Variants in COL6A6 observed in about 807,000 individuals in gnomAD.
The protein encoded by COL6A6 is collagen alpha-6(VI) chain.
A neutral mutation model predicts 208.6 loss-of-function variants in COL6A6; 183 were observed. The ratio of observed to expected loss-of-function variants is 0.88; its 90% confidence interval spans 0.78 to 0.99. The LOEUF is 0.99. Among genes scored for constraint, COL6A6 ranks in the 50% least tolerant of loss-of-function variants. The pLI, the probability that COL6A6 is intolerant of heterozygous loss-of-function variation, is 0.00. For missense variants in COL6A6, 2,816 were observed against 2,815.2 expected (o/e 1.00, Z -0.01); for synonymous variants, 973 against 1,011.8 (o/e 0.96, Z 0.73).
chr3:130,518,828 A>T (rs538943630), intron 1 of COL6A6, among the ~76,000 whole-genome samples: 24 of 152,304 alleles, frequency 1.6e-4, no homozygotes, highest in African/African-American at 1.7e-4. Flanking sequence ...AGTGCAGAGG[A>T]GAGAAAAAGA....
intron 26 of COL6A6, among the ~76,000 whole-genome samples, chr3:130,631,168 A>G (rs2064999105): frequency 2.9e-5 from 1 of 35,078 alleles, no homozygotes; most frequent in Non-Finnish European, 4.0e-5. Flanking sequence ...TAATAAAGAA[A>G]AAAAGAGAGA....
chr3:130,619,247 C>T (rs1322324385), intron 23 of COL6A6, among the ~76,000 whole-genome samples: 1 of 152,042 alleles, frequency 6.6e-6, no homozygotes, highest in East Asian at 1.9e-4. Context: ...AAGCATGAGA[C>T]CCAACACAGC....
intron 1 of COL6A6, among the ~76,000 whole-genome samples, chr3:130,555,640 T>C (rs1577689809): frequency 6.6e-6 from 1 of 152,232 alleles, no homozygotes; most frequent in South Asian, 2.1e-4. Context: ...TAGGATGATA[T>C]GTATTCCAGA....
intron 25 of COL6A6, among the ~76,000 whole-genome samples, chr3:130,626,933 A>G (rs2064907234): frequency 6.6e-6 from 1 of 152,114 alleles, no homozygotes; most frequent in Non-Finnish European, 1.5e-5. Flanking sequence ...GGCATTTACT[A>G]GTTGTTTTTG....
rs547432923 is a variant in COL6A6 at position 130,517,671 on chromosome 3, A to G, written c.-32+274A>G. ...CACACTCTTGTCATTCTCTGCTCCC[A>G]TCTCCGCGTCTCCCACCGCGCACCA... On this transcript the variant is annotated intron_variant, in intron 1 of 36. Transcript: ENST00000358511. 5.1e-4 allele frequency among the ~76,000 whole-genome samples: 78 copies of G among 152,268 alleles called. 1 individual carries two copies. In the South Asian group the frequency reaches 0.016, roughly 31 times the overall value.
At chr3:130,602,211 T>C (rs772946743) in intron 20 of COL6A6, among the ~76,000 whole-genome samples, 10 of 152,130 alleles carry the variant, frequency 6.6e-5, no homozygotes, top group Admixed American at 6.5e-5. Context: ...TAAACATCAG[T>C]AGTAGAAGGA....
chr3:130,649,611 T>TATTC (rs1253173714), intron 33 of COL6A6, 49 bp downstream of exon 33: 20 of 1,488,394 alleles, frequency 1.3e-5, no homozygotes, highest in African/African-American at 2.8e-5. Flanking sequence ...ATCTTGCCTG[T>TATTC]ATTCAGAAGC....
chr3:130,611,297 T>C (rs1305527357), intron 23 of COL6A6, among the ~76,000 whole-genome samples: 2 of 152,242 alleles, frequency 1.3e-5, no homozygotes, highest in Non-Finnish European at 2.9e-5. Context: ...GTGCGGATTC[T>C]GAGTCAGCAG....
intron 1 of COL6A6, among the ~76,000 whole-genome samples, chr3:130,527,834 C>T (rs2061992295): frequency 6.7e-6 from 1 of 150,046 alleles, no homozygotes; most frequent in Non-Finnish European, 1.5e-5. Flanking sequence ...CCCCCATGGT[C>T]AGCATAGTAA....
At position 130,582,194 on chromosome 3, in the gene COL6A6, C is replaced by A. The variant is rs567406999; in HGVS notation, c.3970+126C>A. The stretch of plus-strand genomic sequence containing the variant: ...CCCTGATTTTGACAATCTCCGTATT[C>A]TGTATGTACTAGGCAGAACAAATGA... On this transcript the variant is annotated intron_variant, in intron 10 of 36. Transcript: ENST00000358511. 52 of 636,316 alleles carry A rather than the reference C, an allele frequency of 8.2e-5. No individual in the cohort carries two copies. The African/African-American group carries it at 8.4e-4, about 10-fold the overall frequency. The allele number at this position is 636,316 out of a possible 1,614,324, so 39.4% of individuals were successfully genotyped here. A position where few individuals can be genotyped will look rare whatever the true frequency, so the allele number is the denominator to read the frequency against.
intron 5 of COL6A6, among the ~76,000 whole-genome samples, chr3:130,567,791 G>T (rs2063064228): frequency 6.6e-6 from 1 of 152,160 alleles, no homozygotes; most frequent in African/African-American, 2.4e-5. Context: ...ACAACACACA[G>T]ACTTGGCACA....
rs78755708 is a variant in COL6A6 at position 130,541,307 on chromosome 3, A to G, written c.-31-19027A>G. Among the ~76,000 whole-genome samples, 1,366 of 152,326 alleles carry G rather than the reference A, an allele frequency of 9.0e-3. 22 individuals are homozygous for G. Among genetic ancestry groups the G allele is most frequent in the African/African-American group, 0.03 (1,241 of 41,572 alleles). ...AGCAATAAACACTTGAGTTTCCTCC[A>G]TGTCTTTTCATGGCTTGATAGTTTT... On this transcript the variant is annotated intron_variant, in intron 1 of 36. Coordinates refer to ENST00000358511, the MANE Select transcript of COL6A6 (RefSeq NM_001102608.3).
At chr3:130,622,192 T>C (rs887335951) in intron 24 of COL6A6, among the ~76,000 whole-genome samples, 35 of 127,560 alleles carry the variant, frequency 2.7e-4, no homozygotes, top group Admixed American at 7.5e-4. Context: ...CTTAATTTCC[T>C]CCCCCCGCCT....
intron 2 of COL6A6, among the ~76,000 whole-genome samples, chr3:130,562,507 AT>A (rs201097034): frequency 0.011 from 1,648 of 152,252 alleles, 16 homozygotes; most frequent in East Asian, 0.033. Flanking sequence ...TGATTTATAG[AT>A]TTTTTTAAAC....
intron 1 of COL6A6, among the ~76,000 whole-genome samples, chr3:130,547,561 C>G (rs540935324): frequency 6.6e-6 from 1 of 152,222 alleles, no homozygotes; most frequent in Non-Finnish European, 1.5e-5. Flanking sequence ...GAGCAGATGC[C>G]GAGGCCGAGG....
chr3:130,638,779 C>G (rs1002374230), intron 28 of COL6A6, among the ~76,000 whole-genome samples: 7 of 152,202 alleles, frequency 4.6e-5, no homozygotes, highest in African/African-American at 1.7e-4. Context: ...TTTCTAACTT[C>G]TTTTGTTACT....
At chr3:130,631,221 C>G (rs1264596828) in intron 26 of COL6A6, among the ~76,000 whole-genome samples, 1 of 87,936 alleles carries the variant, frequency 1.1e-5, no homozygotes, top group East Asian at 3.1e-4. Flanking sequence ...GGGGATATCA[C>G]CACCGATCCC....
chr3:130,522,593 G>C (rs2107668784), intron 1 of COL6A6, among the ~76,000 whole-genome samples: 1 of 152,184 alleles, frequency 6.6e-6, no homozygotes, highest in South Asian at 2.1e-4. Context: ...TCCAGTCCCA[G>C]ATATCTAACT....
At chr3:130,527,227 G>A (rs1159597613) in intron 1 of COL6A6, among the ~76,000 whole-genome samples, 1 of 152,172 alleles carries the variant, frequency 6.6e-6, no homozygotes, top group East Asian at 1.9e-4. Flanking sequence ...GCTCTGTTGA[G>A]GTAGCTCAAG....
Sources: gnomAD v4.1 joint callset for allele counts (sites outside exome capture counted in the v4.1 genomes callset) on GRCh38, gnomAD v4.1.1 for gene constraint, MANE v1.5 for transcripts, NCBI Gene and HGNC (gene_info 2026-07-23, HGNC 2026-07-21) for gene names.